COL21A1: variants seen among roughly 807,000 people sequenced by gnomAD.
The protein encoded by COL21A1 is collagen alpha-1(XXI) chain.
In COL21A1, 149 loss-of-function variants were observed where a neutral mutation model predicts 137.9. The ratio of observed to expected loss-of-function variants is 1.08; its 90% CI spans 0.95 to 1.24. The LOEUF is 1.24. Among genes scored for constraint, COL21A1 ranks in the 50% most tolerant of loss-of-function variants. COL21A1 has a pLI of 0.00. For synonymous variants in COL21A1, 456 were observed against 391.5 expected (o/e 1.16, Z -1.95); for missense variants, 1,167 against 1,158.4 (o/e 1.01, Z -0.11).
chr6:56,357,998 T>C (rs1052594456), intron 1 of COL21A1, among the ~76,000 whole-genome samples: 1 of 152,216 alleles, frequency 6.6e-6, no homozygotes, highest in Non-Finnish European at 1.5e-5. Context: ...TTTTTATACA[T>C]GCACAAGAGT....
intron 10 of COL21A1, among the ~76,000 whole-genome samples, chr6:56,154,183 T>C (rs1339689774): frequency 6.6e-6 from 1 of 152,120 alleles, no homozygotes; most frequent in African/African-American, 2.4e-5. Context: ...ACCCCCTTGT[T>C]CTCCTGCTCA....
At chr6:56,127,765 C>CT (rs1477706977) in intron 12 of COL21A1, among the ~76,000 whole-genome samples, 1 of 152,116 alleles carries the variant, frequency 6.6e-6, no homozygotes, top group Non-Finnish European at 1.5e-5. Flanking sequence ...TTTTTGGAGC[C>CT]TGGAGTGGGA....
chr6:56,176,910 G>A (rs935491930), intron 3 of COL21A1, among the ~76,000 whole-genome samples: 1 of 133,818 alleles, frequency 7.5e-6, no homozygotes, highest in African/African-American at 2.8e-5. Context: ...GGAAAGGGGA[G>A]GAAGGGGGAG....
intron 1 of COL21A1, among the ~76,000 whole-genome samples, chr6:56,228,040 G>A (rs777104059): frequency 6.6e-6 from 1 of 151,874 alleles, no homozygotes; most frequent in African/African-American, 2.4e-5. Context: ...TTTATGAAGT[G>A]AACCGCCCAT....
At chr6:56,084,222 A>T (rs114753549) in intron 17 of COL21A1, among the ~76,000 whole-genome samples, 2,588 of 151,452 alleles carry the variant, frequency 0.017, 75 homozygotes, top group African/African-American at 0.06. Context: ...GAAAAAATAT[A>T]TATATATAAA....
At chr6:56,198,837 T>C (rs1344621434) in intron 1 of COL21A1, among the ~76,000 whole-genome samples, 1 of 152,152 alleles carries the variant, frequency 6.6e-6, no homozygotes, top group African/African-American at 2.4e-5. Context: ...TGTCTTGATA[T>C]GAATTTGGAA....
chr6:56,166,504 T>C (rs1167752112), intron 7 of COL21A1, among the ~76,000 whole-genome samples: 2 of 151,996 alleles, frequency 1.3e-5, no homozygotes, highest in African/African-American at 4.8e-5. Flanking sequence ...ATACAAACAT[T>C]AGCTGGGTGT....
At chr6:56,211,207 A>ATATATG (rs1226616073) in intron 1 of COL21A1, among the ~76,000 whole-genome samples, 1 of 20,540 alleles carries the variant, frequency 4.9e-5, no homozygotes, top group African/African-American at 2.6e-4. Flanking sequence ...ATATATACAT[A>ATATATG]TATATGTATA....
At position 56,170,720 on chromosome 6, in the gene COL21A1, T is replaced by C. The variant is rs773992893; in HGVS notation, c.955A>G (p.Ile319Val). ...ACGCTGGTTGTTGTAAATAATAAGA[T>C]TTTGTCCACACCATTTAAGGTAACT... ...IAVTLNGVDKILLFTTTSVIN... is the reference protein window; with the variant it reads ...IAVTLNGVDKVLLFTTTSVIN... The change falls in exon 5 of 30, where the codon ATC (isoleucine) becomes GTC (valine). Residue 319 changes from isoleucine (I) to valine (V), a missense_variant. Ile to Val is a conservative substitution (Grantham distance 29, BLOSUM62 3). Coordinates refer to ENST00000244728, the MANE Select transcript of COL21A1 (RefSeq NM_030820.4). The C allele has an allele frequency of 6.2e-7, 1 of 1,607,430 alleles. No individual in the cohort carries two copies. The highest frequency in any genetic ancestry group is 2.2e-5 in the East Asian group (1 of 44,752).
chr6:56,357,106 G>A (rs1765851928), intron 1 of COL21A1, among the ~76,000 whole-genome samples: 1 of 152,072 alleles, frequency 6.6e-6, no homozygotes, highest in African/African-American at 2.4e-5. Context: ...GCTTAGAAAG[G>A]ACTAACTCAA....
At chr6:56,352,398 T>C (rs761074100) in intron 1 of COL21A1, among the ~76,000 whole-genome samples, 53 of 152,054 alleles carry the variant, frequency 3.5e-4, no homozygotes, top group Non-Finnish European at 6.6e-4. Context: ...GAAAGACTCA[T>C]GGTTCCCAGG....
intron 16 of COL21A1, among the ~76,000 whole-genome samples, chr6:56,106,695 A>G (rs191772805): frequency 6.6e-6 from 1 of 152,374 alleles, no homozygotes; most frequent in Admixed American, 6.5e-5. Flanking sequence ...ACAAAAAGAA[A>G]AAAATAATAA....
chr6:56,116,872 G>T (rs1182327169), intron 16 of COL21A1, among the ~76,000 whole-genome samples: 1 of 151,850 alleles, frequency 6.6e-6, no homozygotes, highest in Admixed American at 6.6e-5. Context: ...TATGCAAATA[G>T]CATTAAGTTG....
chr6:56,209,499 C>T (rs1282112497), intron 1 of COL21A1, among the ~76,000 whole-genome samples: 2 of 152,148 alleles, frequency 1.3e-5, no homozygotes, highest in Non-Finnish European at 2.9e-5. Flanking sequence ...CAAAAGAAAA[C>T]GCTTTTGCAA....
chr6:56,101,107 C>T (rs571839779), intron 17 of COL21A1, among the ~76,000 whole-genome samples: 1 of 152,208 alleles, frequency 6.6e-6, no homozygotes, highest in African/African-American at 2.4e-5. Flanking sequence ...TGTTTCTCTA[C>T]CCCTGATTTT....
At chr6:56,302,885 C>A (rs1486323052) in intron 1 of COL21A1, among the ~76,000 whole-genome samples, 1 of 152,090 alleles carries the variant, frequency 6.6e-6, no homozygotes, top group Non-Finnish European at 1.5e-5. Context: ...AGTCTTTAAT[C>A]CATCTTGAAT....
chr6:56,326,222 T>C (rs796091322), intron 1 of COL21A1, among the ~76,000 whole-genome samples: 87 of 150,032 alleles, frequency 5.8e-4, no homozygotes, highest in African/African-American at 2.0e-3. Flanking sequence ...ATATACAAAA[T>C]TGAAAAGATA....
At chr6:56,327,747 C>G (rs1163674968) in intron 1 of COL21A1, among the ~76,000 whole-genome samples, 4 of 152,014 alleles carry the variant, frequency 2.6e-5, no homozygotes, top group Non-Finnish European at 4.4e-5. Flanking sequence ...GTTAGATACT[C>G]CTGGGCAACT....
At chr6:56,095,356 C>G (rs1769221688) in intron 17 of COL21A1, among the ~76,000 whole-genome samples, 1 of 152,126 alleles carries the variant, frequency 6.6e-6, no homozygotes, top group African/African-American at 2.4e-5. Context: ...AATGGATCCT[C>G]AAGCCCTGCT....
Sources: gnomAD v4.1 joint callset for allele counts (sites outside exome capture counted in the v4.1 genomes callset) on GRCh38, gnomAD v4.1.1 for gene constraint, MANE v1.5 for transcripts, NCBI Gene and HGNC (gene_info 2026-07-23, HGNC 2026-07-21) for gene names.